Variants in CENPP observed in about 807,000 individuals in gnomAD.
CENPP encodes the protein centromere protein P.
CENPP carries 24 observed loss-of-function variants against 35.6 expected under a neutral mutation model. The observed-to-expected ratio is 0.67, with a 90% CI of 0.49 to 0.95. The LOEUF (loss-of-function observed/expected upper bound fraction) is 0.95. Among genes scored for constraint, CENPP ranks in the 40% least tolerant of loss-of-function variants. The pLI is 0.00. For missense variants in CENPP, 332 were observed against 345.3 expected (o/e 0.96, Z 0.31); for synonymous variants, 120 against 125.5 (o/e 0.96, Z 0.29).
chr9:92,344,029 T>C (rs1564269244), intron 3 of CENPP, among the ~76,000 whole-genome samples: 1 of 142,920 alleles, frequency 7.0e-6, no homozygotes, highest in Non-Finnish European at 1.5e-5. Context: ...TCTCTACCCA[T>C]AATCCTTCAG....
chr9:92,609,732 G>T (rs891710136), intron 5 of CENPP, among the ~76,000 whole-genome samples: 2 of 152,190 alleles, frequency 1.3e-5, no homozygotes, highest in African/African-American at 4.8e-5. Context: ...AGACATTTTT[G>T]TGTGTGTGTG....
At chr9:92,330,775 G>C (rs1456732267) in intron 1 of CENPP, among the ~76,000 whole-genome samples, 1 of 141,146 alleles carries the variant, frequency 7.1e-6, no homozygotes, top group Admixed American at 7.5e-5. Context: ...TGCAACCTCT[G>C]CCTCCCATAC....
intron 5 of CENPP, among the ~76,000 whole-genome samples, chr9:92,516,077 C>CA (rs1004605913): frequency 2.0e-5 from 3 of 149,892 alleles, no homozygotes; most frequent in African/African-American, 7.4e-5. Flanking sequence ...TTTTTTCCCC[C>CA]CCCCGAGACG....
At chr9:92,365,359 C>T (rs1841860287) in intron 4 of CENPP, among the ~76,000 whole-genome samples, 2 of 149,726 alleles carry the variant, frequency 1.3e-5, no homozygotes, top group African/African-American at 2.5e-5. Context: ...TAGGTACTCT[C>T]TAAAAATGTA....
At chr9:92,571,746 C>T (rs563091942) in intron 5 of CENPP, among the ~76,000 whole-genome samples, 22 of 152,044 alleles carry the variant, frequency 1.4e-4, no homozygotes, top group African/African-American at 4.3e-4. Flanking sequence ...AGGGCTTGCT[C>T]TATGAATCTG....
At chr9:92,561,301 C>T (rs984413843) in intron 5 of CENPP, among the ~76,000 whole-genome samples, 1 of 152,172 alleles carries the variant, frequency 6.6e-6, no homozygotes, top group Non-Finnish European at 1.5e-5. Flanking sequence ...ATCCCCCAAA[C>T]TTGTTATTCC....
intron 4 of CENPP, among the ~76,000 whole-genome samples, chr9:92,355,243 AAGAC>A (rs1841560185): frequency 6.6e-6 from 1 of 152,136 alleles, no homozygotes; most frequent in Non-Finnish European, 1.5e-5. Context: ...TCAACTGCAT[AAGAC>A]AGACATTCCC....
intron 5 of CENPP, among the ~76,000 whole-genome samples, chr9:92,590,235 A>C (rs1850634915): frequency 6.6e-6 from 1 of 152,186 alleles, no homozygotes; most frequent in South Asian, 2.1e-4. Context: ...TACTTGTTCT[A>C]AGGTTTTTTT....
chr9:92,343,524 A>G (rs1327518486), intron 3 of CENPP, among the ~76,000 whole-genome samples: 1 of 152,178 alleles, frequency 6.6e-6, no homozygotes, highest in Non-Finnish European at 1.5e-5. Context: ...AAAATAAGCA[A>G]TTTTTTTAAA....
chr9:92,580,179 T>G (rs1358405569), intron 5 of CENPP, among the ~76,000 whole-genome samples: 1 of 152,220 alleles, frequency 6.6e-6, no homozygotes, highest in South Asian at 2.1e-4. Flanking sequence ...ATAAGCTTTT[T>G]CATGTGCTGC....
Position 92,528,886 on chromosome 9 carries a change from C to A in CENPP, c.565-82428C>A, listed in dbSNP as rs74513654. Among the ~76,000 whole-genome samples, 712 of 152,306 alleles carry A rather than the reference C, an allele frequency of 4.7e-3. 4 individuals carry two copies. Among genetic ancestry groups the A allele is most frequent in the African/African-American group, 0.015 (614 of 41,564 alleles). On this transcript the variant is annotated intron_variant, in intron 5 of 7. Transcript: ENST00000375587. ...AAAGTTGACCCATAATGGGAAAAAT[C>A]AGTTTATTGAAACCAGTTCAGAAAT...
At chr9:92,332,811 C>T (rs1415025338) in intron 2 of CENPP, among the ~76,000 whole-genome samples, 1 of 129,624 alleles carries the variant, frequency 7.7e-6, no homozygotes, top group South Asian at 2.4e-4. Flanking sequence ...CCATTTAAAA[C>T]AAAAAAAAAA....
At chr9:92,399,240 A>G (rs1304528735) in intron 5 of CENPP, among the ~76,000 whole-genome samples, 1 of 151,934 alleles carries the variant, frequency 6.6e-6, no homozygotes, top group Non-Finnish European at 1.5e-5. Context: ...TCATACTTCA[A>G]TTTTTTTCAA....
At position 92,443,511 on chromosome 9, in the gene CENPP, A is replaced by G. The variant is rs572098160; in HGVS notation, c.564+63652A>G. On this transcript the variant is annotated intron_variant, in intron 5 of 7. Transcript: ENST00000375587. ...CCAGTTCTCTCCAAAATGATCCGAG[A>G]TTCACTGCAATCTCAATAATAATCT... 1.7e-4 allele frequency among the ~76,000 whole-genome samples: 26 copies of G among 152,300 alleles called. No homozygotes were observed. The South Asian group carries it at 5.0e-3, about 29-fold the overall frequency.
In CENPP at chr9:92,419,733, A is replaced by T. The variant is rs1243332626; in HGVS notation, c.564+39874A>T. Reference sequence around the variant, plus strand: ...ATGTATCATTTAGGAAAAAGGTTTTAAAAAATCCTACCTCTTTTATTCTGA... The same window carrying T: ...ATGTATCATTTAGGAAAAAGGTTTTTAAAAATCCTACCTCTTTTATTCTGA... On this transcript the variant is annotated intron_variant, in intron 5 of 7. Transcript: ENST00000375587. 5.9e-5 allele frequency among the ~76,000 whole-genome samples: 9 copies of T among 152,318 alleles called. No individual in the cohort carries two copies. The East Asian group carries it at 1.7e-3, about 29-fold the overall frequency.
chr9:92,419,772 T>C (rs1389904038), intron 5 of CENPP, among the ~76,000 whole-genome samples: 1 of 152,194 alleles, frequency 6.6e-6, no homozygotes, highest in Non-Finnish European at 1.5e-5. Flanking sequence ...CTTTCTACTT[T>C]TCCCACCCAG....
At chr9:92,347,803 A>G (rs1841333651) in intron 4 of CENPP, among the ~76,000 whole-genome samples, 1 of 152,166 alleles carries the variant, frequency 6.6e-6, no homozygotes. Flanking sequence ...CCATTGTATT[A>G]TTATTTTCAT....
chr9:92,403,586 T>C, intron 5 of CENPP: 1 of 1,233,580 alleles, frequency 8.1e-7, no homozygotes. Flanking sequence ...TAACCCTTAG[T>C]GATCTTTAAT....
At chr9:92,487,938 C>T (rs1846098470) in intron 5 of CENPP, among the ~76,000 whole-genome samples, 1 of 152,234 alleles carries the variant, frequency 6.6e-6, no homozygotes, top group Admixed American at 6.5e-5. Flanking sequence ...ACTTTCAGTA[C>T]AGCATTCAGT....
Sources: allele counts gnomAD v4.1 joint callset (sites outside exome capture counted in the v4.1 genomes callset), GRCh38; gene constraint gnomAD v4.1.1; transcripts MANE v1.5; gene names NCBI Gene and HGNC (gene_info 2026-07-23, HGNC 2026-07-21).